Variants in CKAP5 observed in about 807,000 individuals in gnomAD.
CKAP5 encodes the protein cytoskeleton associated protein 5, also known as cytoskeleton-associated protein 5.
Under a neutral mutation model 232.8 loss-of-function variants are expected in CKAP5, and 27 were observed. The observed-to-expected ratio is 0.12, with a 90% CI of 0.09 to 0.16. The LOEUF (loss-of-function observed/expected upper bound fraction) is 0.16, where lower values mean the gene tolerates loss of function less well. CKAP5 is among the 10% of genes least tolerant of loss of function. CKAP5 has a pLI of 1.00. For missense variants in CKAP5, 1,838 were observed against 2,424.7 expected (o/e 0.76, Z 5.08); for synonymous variants, 785 against 841.1 (o/e 0.93, Z 1.16).
rs766669685 is a variant in CKAP5, at chr11:46,790,506, T to A, written c.1728A>T (p.Gly576=). The change falls in exon 14 of 44, where the codon GGA becomes GGT. Residue 576 remains glycine, a synonymous_variant. Transcript: ENST00000529230. ...GCTCCACTATTTCTTTAGTCTCCAG[T>A]CCTTTCTTGTTCTTGGTTCCAGTAT... is the stretch of plus-strand genomic sequence containing the variant. The part of the protein sequence containing the change: ...AGNTGTKNKK[G]LETKEIVEPE... The A allele has an allele frequency of 6.2e-7, 1 of 1,614,044 alleles. No individual in the cohort carries two copies. The highest frequency in any genetic ancestry group is 2.2e-5 in the East Asian group (1 of 44,886).
chr11:46,746,415 T>C (rs2065022955), intron 42 of CKAP5, among the ~76,000 whole-genome samples: 1 of 152,206 alleles, frequency 6.6e-6, no homozygotes, highest in African/African-American at 2.4e-5. Flanking sequence ...ACAAATATCA[T>C]CATGTGTGGC....
At chr11:46,791,017 A>T (rs1297647287) in intron 13 of CKAP5, among the ~76,000 whole-genome samples, 1 of 152,140 alleles carries the variant, frequency 6.6e-6, no homozygotes, top group Non-Finnish European at 1.5e-5. Context: ...AAAATGAGGG[A>T]TTACCCTAAA....
intron 8 of CKAP5, among the ~76,000 whole-genome samples, chr11:46,802,474 G>A (rs1939051248): frequency 6.6e-6 from 1 of 151,786 alleles, no homozygotes; most frequent in South Asian, 2.1e-4. Context: ...AATCTGGGAG[G>A]CAGAGGTTGC....
chr11:46,803,707 C>A (rs1939088831), intron 8 of CKAP5, among the ~76,000 whole-genome samples: 1 of 152,220 alleles, frequency 6.6e-6, no homozygotes, highest in Non-Finnish European at 1.5e-5. Flanking sequence ...TTCTCCCTCT[C>A]AACTTGTGTT....
At chr11:46,791,348 T>TAAGCGAGCCTCCCATCTC (rs1938716118) in intron 13 of CKAP5, among the ~76,000 whole-genome samples, 7 of 150,574 alleles carry the variant, frequency 4.6e-5, no homozygotes, top group Admixed American at 4.6e-4. Flanking sequence ...CTCCTGGGCT[T>TAAGCGAGCCTCCCATCTC]AAGCGAGCCT....
intron 8 of CKAP5, among the ~76,000 whole-genome samples, chr11:46,801,575 CAGG>C (rs1939031841): frequency 6.6e-6 from 1 of 151,860 alleles, no homozygotes; most frequent in African/African-American, 2.4e-5. Flanking sequence ...AAGGCTGAGG[CAGG>C]AGAATCACTT....
At chr11:46,757,948 T>C (rs1398929166) in intron 35 of CKAP5, among the ~76,000 whole-genome samples, 3 of 144,582 alleles carry the variant, frequency 2.1e-5, no homozygotes, top group Non-Finnish European at 4.5e-5. Context: ...AGTATAGTGG[T>C]GCAATCACAG....
chr11:46,790,216 G>A (rs753106210), intron 14 of CKAP5, 30 bp from the exon 15 acceptor site: 2 of 1,465,844 alleles, frequency 1.4e-6, no homozygotes, highest in Non-Finnish European at 1.9e-6. Flanking sequence ...ATTAGAATTA[G>A]GAATTGCTTA....
intron 12 of CKAP5, 68 bp downstream of exon 12, chr11:46,796,744 G>A: frequency 6.4e-7 from 1 of 1,573,844 alleles, no homozygotes; most frequent in Non-Finnish European, 8.7e-7. Flanking sequence ...TAACTGTCAA[G>A]AGACAAAGCC....
rs1179240612 is a variant in CKAP5 at position 46,787,904 on chromosome 11, ACT to A, written c.1968+775_1968+776del. On this transcript the variant is annotated intron_variant, in intron 16 of 43. Transcript: ENST00000529230. The stretch of plus-strand genomic sequence containing the variant: ...AACAGCAAGACAAACCCCTTTTCTT[ACT>A]CTTTCTCCTCCTTCAGCCTATTCAA... 2.6e-5 allele frequency among the ~76,000 whole-genome samples: 4 copies of A among 152,136 alleles called. No individual in the cohort carries two copies. In the East Asian group the frequency reaches 7.7e-4, roughly 29 times the overall value.
chr11:46,759,350 C>T lies in CKAP5; in HGVS notation c.4487G>A (p.Gly1496Asp). The change falls in exon 34 of 44, where the codon GGT becomes GAT. Residue 1496 changes from glycine (G) to aspartate (D), a missense_variant. By Grantham distance (94) the Gly-to-Asp change is moderately conservative. Transcript: ENST00000529230. ...TTCTGGCATTTCACATCGGACTGTACCATTGTCATTCTCAATCTCATCTAG... is the reference window on the plus strand; with the variant it reads ...TTCTGGCATTTCACATCGGACTGTATCATTGTCATTCTCAATCTCATCTAG... Reference protein sequence around the residue: ...LDLDEIENDNGTVRCEMPELV... With the variant: ...LDLDEIENDNDTVRCEMPELV... The T allele has an allele frequency of 6.2e-7, 1 of 1,613,992 alleles. No individual in the cohort carries two copies. The highest frequency in any genetic ancestry group is 8.5e-7 in the Non-Finnish European group (1 of 1,180,000).
chr11:46,752,529 T>C, intron 38 of CKAP5, 106 bp downstream of exon 38: 4 of 776,680 alleles, frequency 5.2e-6, no homozygotes, highest in Non-Finnish European at 8.2e-6. Flanking sequence ...TGTGACTTGG[T>C]TGATTTGAGC....
intron 8 of CKAP5, chr11:46,802,042 G>T (rs1313463617): frequency 1.3e-5 from 2 of 152,194 alleles, no homozygotes; most frequent in African/African-American, 4.8e-5. Flanking sequence ...CAGTACAAAC[G>T]GCTGCAGGTA....
At position 46,773,803 on chromosome 11, in the gene CKAP5, A is replaced by G. The variant is rs188815545; in HGVS notation, c.2991+2452T>C. Among the ~76,000 whole-genome samples, 411 of 152,232 alleles carry G rather than the reference A, an allele frequency of 2.7e-3. 3 individuals carry two copies. The highest frequency in any genetic ancestry group is 9.7e-3 in the African/African-American group (403 of 41,528). On this transcript the variant is annotated intron_variant, in intron 24 of 43. Transcript: ENST00000529230. ...AAGTGATCTGCTTGCTCGGCCTCCC[A>G]AAGTGCTGGGATTACAGGCATGAGT...
At chr11:46,758,308 GCC>G (rs2065126453) in intron 35 of CKAP5, among the ~76,000 whole-genome samples, 1 of 151,984 alleles carries the variant, frequency 6.6e-6, no homozygotes, top group African/African-American at 2.4e-5. Flanking sequence ...CATACTCTAA[GCC>G]CCAAGGATAT....
At position 46,762,048 on chromosome 11, in the gene CKAP5, T is replaced by C. The variant is rs2134590977; in HGVS notation, c.4173A>G (p.Val1391=). 1.2e-6 allele frequency: 2 copies of C among 1,613,896 alleles called. No individual in the cohort carries two copies. Among genetic ancestry groups the C allele is most frequent in the East Asian group, 4.5e-5 (2 of 44,902 alleles). ...GATCCCCATGTACATTGTACACCGTTACAATGGTGTTGAGTGCAGCATTGC... is the reference window on the plus strand; with the variant it reads ...GATCCCCATGTACATTGTACACCGTCACAATGGTGTTGAGTGCAGCATTGC... The part of the protein sequence containing the change: ...AVRNAALNTI[V]TVYNVHGDQV... Residue 1391 remains valine (V), a synonymous_variant, in exon 32 of 44, where the codon GTA becomes GTG. Transcript: ENST00000529230.
chr11:46,755,005 A>C lies in CKAP5; in HGVS notation c.4752T>G (p.Phe1584Leu). ...AEAMSGHIDQ[F>L]LIATFMQLRL... is the part of the protein sequence containing the mutation. ...TTAGCTGCATAAAAGTGGCTATCAG[A>C]AACTGATCAATATGGCCGGACATGG... is the stretch of plus-strand genomic sequence containing the variant. The change falls in exon 36 of 44, where the codon TTT (phenylalanine) becomes TTG (leucine). Residue 1584 changes from phenylalanine (F) to leucine (L), a missense_variant. Physicochemically the swap from Phe to Leu is conservative, Grantham distance 22. Around this residue, in one of 6 missense-constraint regions of CKAP5, gnomAD observed 579 missense variants for 843.2 expected, o/e 0.69. Coordinates refer to ENST00000529230, the MANE Select transcript of CKAP5 (RefSeq NM_001008938.4). The C allele has an allele frequency of 6.2e-7, 1 of 1,614,016 alleles. No homozygotes were observed. Among genetic ancestry groups the C allele is most frequent in the Non-Finnish European group, 8.5e-7 (1 of 1,179,954 alleles).
intron 1 of CKAP5, among the ~76,000 whole-genome samples, chr11:46,841,074 G>C (rs1940041448): frequency 1.3e-5 from 2 of 151,988 alleles, no homozygotes; most frequent in Non-Finnish European, 1.5e-5. Flanking sequence ...TTCAAGACCA[G>C]CCTGGCCAAA....
intron 24 of CKAP5, among the ~76,000 whole-genome samples, chr11:46,774,116 C>T (rs969392380): frequency 2.0e-5 from 3 of 152,102 alleles, no homozygotes; most frequent in African/African-American, 7.2e-5. Flanking sequence ...TGCATATTTA[C>T]AAAACCCCAT....
Sources: gnomAD v4.1 joint callset for allele counts (sites outside exome capture counted in the v4.1 genomes callset) on GRCh38, gnomAD v4.1.1 for gene constraint, gnomAD v4.1.1 regional missense constraint, MANE v1.5 for transcripts, NCBI Gene and HGNC (gene_info 2026-07-23, HGNC 2026-07-21) for gene names.